The following NOL4 variants were observed in gnomAD, a reference collection of about 807,000 sequenced individuals.
The protein encoded by NOL4 is nucleolar protein 4, also known as cancer/testis antigen 125.
A neutral mutation model predicts 75.9 loss-of-function variants in NOL4; 17 were observed. That is an observed-to-expected ratio of 0.22 (90% CI 0.15 to 0.34). The LOEUF (loss-of-function observed/expected upper bound fraction) is 0.34. Ranked by LOEUF, NOL4 falls within the 10% of genes least tolerant of loss-of-function variation. NOL4 has a pLI of 1.00. For missense variants in NOL4, 614 were observed against 793.5 expected, an observed-to-expected ratio of 0.77 and a Z score of 2.72; for synonymous variants, 292 against 289.9, an observed-to-expected ratio of 1.01 and a Z score of -0.07.
At chr18:33,940,294 A>G (rs2068377473) in intron 9 of NOL4, among the ~76,000 whole-genome samples, 1 of 152,084 alleles carries the variant, frequency 6.6e-6, no homozygotes, top group African/African-American at 2.4e-5. Context: ...AAAGACTTGG[A>G]GCCAACAAAT....
At chr18:34,090,445 T>C (rs74784886) in intron 5 of NOL4, among the ~76,000 whole-genome samples, 4,831 of 152,180 alleles carry the variant, frequency 0.032, 82 homozygotes, top group Middle Eastern at 0.048. Flanking sequence ...TAAGGGGAGA[T>C]AGTCCTGAGC....
intron 5 of NOL4, among the ~76,000 whole-genome samples, chr18:34,024,192 A>T (rs79501289): frequency 0.28 from 21,363 of 75,526 alleles, 3,014 homozygotes; most frequent in South Asian, 0.38. Context: ...AAAAAAAAAA[A>T]AAATATATAT....
At chr18:34,073,478 A>G (rs1336700849) in intron 5 of NOL4, among the ~76,000 whole-genome samples, 1 of 152,056 alleles carries the variant, frequency 6.6e-6, no homozygotes, top group Non-Finnish European at 1.5e-5. Flanking sequence ...AATCATCTCT[A>G]GCTTACTTAA....
intron 5 of NOL4, among the ~76,000 whole-genome samples, chr18:34,080,475 T>C (rs1307970980): frequency 6.6e-6 from 1 of 152,150 alleles, no homozygotes; most frequent in Non-Finnish European, 1.5e-5. Flanking sequence ...CCGATGTTAA[T>C]AAGGCATATA....
intron 2 of NOL4, among the ~76,000 whole-genome samples, chr18:34,127,761 A>C (rs1260477238): frequency 6.6e-6 from 1 of 151,894 alleles, no homozygotes; most frequent in Non-Finnish European, 1.5e-5. Context: ...TCTTTCCTAT[A>C]ATGAATTATT....
chr18:34,179,899 G>C (rs2033890696), intron 1 of NOL4, among the ~76,000 whole-genome samples: 1 of 151,190 alleles, frequency 6.6e-6, no homozygotes, highest in East Asian at 1.9e-4. Flanking sequence ...TCAGTTTATG[G>C]TATTTTGTTT....
At chr18:34,206,015 C>T (rs1049998319) in intron 1 of NOL4, among the ~76,000 whole-genome samples, 2 of 151,988 alleles carry the variant, frequency 1.3e-5, no homozygotes, top group African/African-American at 4.8e-5. Context: ...AAGGTGCATC[C>T]CACACATTTT....
intron 1 of NOL4, among the ~76,000 whole-genome samples, chr18:34,186,037 G>A (rs957948473): frequency 3.3e-5 from 5 of 152,010 alleles, no homozygotes. Flanking sequence ...AGCTTGTTGT[G>A]GTAATGATAT....
intron 6 of NOL4, among the ~76,000 whole-genome samples, chr18:33,994,565 G>A (rs1168277362): frequency 6.6e-6 from 1 of 151,684 alleles, no homozygotes; most frequent in Non-Finnish European, 1.5e-5. Flanking sequence ...GAAATCAAAA[G>A]TTAAGTTAGA....
intron 6 of NOL4, among the ~76,000 whole-genome samples, chr18:34,000,322 G>C (rs981164223): frequency 6.6e-6 from 1 of 151,570 alleles, no homozygotes; most frequent in Non-Finnish European, 1.5e-5. Flanking sequence ...TGCAAGTATT[G>C]TAGATTGTCA....
chr18:34,103,017 C>G (rs1600595557), intron 4 of NOL4, among the ~76,000 whole-genome samples: 1 of 152,006 alleles, frequency 6.6e-6, no homozygotes, highest in Admixed American at 6.6e-5. Context: ...ATAAATATAG[C>G]TTGGAGGTTA....
intron 10 of NOL4, among the ~76,000 whole-genome samples, chr18:33,860,815 C>G (rs1478321449): frequency 6.6e-6 from 1 of 151,862 alleles, no homozygotes; most frequent in African/African-American, 2.4e-5. Flanking sequence ...CCCATCAATA[C>G]CTAATTTATT....
At chr18:33,893,426 A>C (rs2065215165) in intron 9 of NOL4, among the ~76,000 whole-genome samples, 1 of 152,120 alleles carries the variant, frequency 6.6e-6, no homozygotes, top group South Asian at 2.1e-4. Flanking sequence ...TGAATTCCTA[A>C]CTTACTCTAG....
chr18:33,980,229 A>T (rs2071841526), intron 6 of NOL4, among the ~76,000 whole-genome samples: 1 of 152,048 alleles, frequency 6.6e-6, no homozygotes, highest in Non-Finnish European at 1.5e-5. Flanking sequence ...GGAGAAGGAA[A>T]ACCTAAATTG....
intron 6 of NOL4, among the ~76,000 whole-genome samples, chr18:33,985,303 G>T (rs897193871): frequency 1.3e-5 from 2 of 152,098 alleles, no homozygotes; most frequent in African/African-American, 4.8e-5. Context: ...GAATCTAAAA[G>T]TATTTGGTGA....
At chr18:34,018,404 A>T (rs996170917) in intron 6 of NOL4, among the ~76,000 whole-genome samples, 1 of 152,204 alleles carries the variant, frequency 6.6e-6, no homozygotes, top group African/African-American at 2.4e-5. Context: ...CAGGCAAGCC[A>T]GAAGATTTAA....
intron 1 of NOL4, among the ~76,000 whole-genome samples, chr18:34,158,276 C>T (rs1209827177): frequency 1.3e-5 from 2 of 152,178 alleles, no homozygotes; most frequent in Non-Finnish European, 2.9e-5. Flanking sequence ...TTCAAGATCA[C>T]AGATGCCTCC....
intron 10 of NOL4, among the ~76,000 whole-genome samples, chr18:33,858,691 G>A (rs67392864): frequency 0.13 from 19,779 of 151,988 alleles, 1,411 homozygotes; most frequent in Non-Finnish European, 0.17. Flanking sequence ...ATGAGCTGGA[G>A]TACTTTCTCC....
chr18:33,931,379 C>G (rs893835975), intron 9 of NOL4, among the ~76,000 whole-genome samples: 10 of 152,042 alleles, frequency 6.6e-5, no homozygotes, highest in African/African-American at 2.4e-4. Flanking sequence ...ACTACAAGCC[C>G]CGACATTTTC....
Sources: gnomAD v4.1 joint callset for allele counts (sites outside exome capture counted in the v4.1 genomes callset) on GRCh38, gnomAD v4.1.1 for gene constraint, MANE v1.5 for transcripts, NCBI Gene and HGNC (gene_info 2026-07-23, HGNC 2026-07-21) for gene names.